Variants in DEPDC1B observed in about 807,000 individuals in gnomAD.
DEPDC1B encodes DEP domain-containing protein 1B.
Under a neutral mutation model 66.5 loss-of-function variants are expected in DEPDC1B, and 51 were observed. That is an observed-to-expected ratio of 0.77 (90% CI 0.61 to 0.97). The LOEUF (loss-of-function observed/expected upper bound fraction) is 0.97, where lower values mean the gene tolerates loss of function less well. Among genes scored for constraint, DEPDC1B ranks in the 50% least tolerant of loss-of-function variants. The pLI is 0.00. For synonymous variants in DEPDC1B, 226 were observed against 223.6 expected, an observed-to-expected ratio of 1.01 and a Z score of -0.10; for missense variants, 552 against 637.1, an observed-to-expected ratio of 0.87 and a Z score of 1.44.
At chr5:60,603,976 A>G (rs552250646) in intron 8 of DEPDC1B, among the ~76,000 whole-genome samples, 2 of 151,666 alleles carry the variant, frequency 1.3e-5, no homozygotes, top group African/African-American at 4.8e-5. Context: ...ATTTATCCTA[A>G]TTTCATTATT....
At chr5:60,634,165 C>T (rs1752987823) in intron 7 of DEPDC1B, among the ~76,000 whole-genome samples, 2 of 152,176 alleles carry the variant, frequency 1.3e-5, no homozygotes, top group Admixed American at 6.5e-5. Context: ...AGAATTTAAT[C>T]TGCCTAGACA....
intron 1 of DEPDC1B, among the ~76,000 whole-genome samples, chr5:60,697,382 T>C (rs989122955): frequency 7.9e-5 from 12 of 152,092 alleles, no homozygotes; most frequent in African/African-American, 2.7e-4. Flanking sequence ...TCCCAATAGA[T>C]TTTTACCAAG....
intron 7 of DEPDC1B, among the ~76,000 whole-genome samples, chr5:60,611,219 TGTAA>T (rs1752408644): frequency 6.6e-6 from 1 of 152,214 alleles, no homozygotes; most frequent in South Asian, 2.1e-4. Context: ...CTGTTACTAC[TGTAA>T]GTGTTTGGGG....
chr5:60,614,558 T>G (rs570525005), intron 7 of DEPDC1B, among the ~76,000 whole-genome samples: 1 of 152,140 alleles, frequency 6.6e-6, no homozygotes, highest in African/African-American at 2.4e-5. Flanking sequence ...TCTCTTCTCT[T>G]TTTTTTAATT....
chr5:60,615,086 C>A (rs1242896047), intron 7 of DEPDC1B, among the ~76,000 whole-genome samples: 1 of 152,210 alleles, frequency 6.6e-6, no homozygotes, highest in Non-Finnish European at 1.5e-5. Flanking sequence ...CATGCACATA[C>A]ATGACTTTTT....
chr5:60,670,213 T>C (rs187246998), intron 2 of DEPDC1B, among the ~76,000 whole-genome samples: 25 of 152,122 alleles, frequency 1.6e-4, no homozygotes, highest in African/African-American at 6.0e-4. Flanking sequence ...TAAAACCCCG[T>C]CTCTACTAAA....
At chr5:60,643,721 C>A (rs1753243330) in intron 5 of DEPDC1B, among the ~76,000 whole-genome samples, 1 of 152,222 alleles carries the variant, frequency 6.6e-6, no homozygotes, top group African/African-American at 2.4e-5. Flanking sequence ...AAAGGCTGCA[C>A]TCTTCCCTTC....
At chr5:60,658,603 C>T (rs1244138071) in intron 2 of DEPDC1B, among the ~76,000 whole-genome samples, 2 of 152,002 alleles carry the variant, frequency 1.3e-5, no homozygotes, top group African/African-American at 4.8e-5. Flanking sequence ...TCAGCTCACA[C>T]CCAACTAATC....
chr5:60,607,939 G>A (rs1192085246), intron 7 of DEPDC1B, among the ~76,000 whole-genome samples: 1 of 152,142 alleles, frequency 6.6e-6, no homozygotes. Context: ...AGCCAAGGGG[G>A]CAGATCATGC....
At chr5:60,622,322 C>T (rs1185058573) in intron 7 of DEPDC1B, among the ~76,000 whole-genome samples, 1 of 151,882 alleles carries the variant, frequency 6.6e-6, no homozygotes, top group Non-Finnish European at 1.5e-5. Context: ...TAAATGGAAC[C>T]AGAATGGCTT....
intron 8 of DEPDC1B, among the ~76,000 whole-genome samples, chr5:60,604,196 C>T (rs941682361): frequency 3.7e-5 from 5 of 135,648 alleles, no homozygotes; most frequent in African/African-American, 1.3e-4. Flanking sequence ...TAATAATTTC[C>T]ATAGAATTGA....
chr5:60,653,489 T>C (rs531065221), intron 2 of DEPDC1B, among the ~76,000 whole-genome samples: 10 of 152,334 alleles, frequency 6.6e-5, no homozygotes, highest in South Asian at 2.1e-4. Context: ...TCCTCGTACA[T>C]TGTGGATATT....
At chr5:60,677,326 A>ACTCTCTCT (rs70975391) in intron 2 of DEPDC1B, among the ~76,000 whole-genome samples, 6,908 of 108,138 alleles carry the variant, frequency 0.064, 503 homozygotes, top group African/African-American at 0.16. Flanking sequence ...ACACACACAC[A>ACTCTCTCT]CTCTCTCTCT....
At chr5:60,647,315 G>T in intron 3 of DEPDC1B, 83 bp downstream of exon 3, 1 of 1,478,794 alleles carries the variant, frequency 6.8e-7, no homozygotes, top group South Asian at 1.5e-5. Flanking sequence ...TGTTCATAAA[G>T]GACCACAGAA....
chr5:60,644,784 C>T lies in DEPDC1B; in HGVS notation c.670G>A (p.Val224Ile). 1 of 1,607,384 alleles carries T rather than the reference C, an allele frequency of 6.2e-7. No individual in the cohort carries two copies. The highest frequency in any genetic ancestry group is 8.5e-7 in the Non-Finnish European group (1 of 1,177,206). Residue 224 changes from valine to isoleucine, a missense_variant, in exon 5 of 11, where the codon GTT becomes ATT. Val to Ile is a conservative substitution (Grantham distance 29). Coordinates refer to ENST00000265036, the MANE Select transcript of DEPDC1B (RefSeq NM_018369.3). Reference protein sequence around the residue: ...SKFIIHNVYSVSKQGVVILDD... With the variant: ...SKFIIHNVYSISKQGVVILDD... ...AGAATAACAACTCCCTGCTTGCTAA[C>T]ACTATATACATTATGGATGATGAAC... is the stretch of plus-strand genomic sequence containing the variant.
chr5:60,680,772 T>A (rs567189475), intron 2 of DEPDC1B, among the ~76,000 whole-genome samples: 1 of 152,366 alleles, frequency 6.6e-6, no homozygotes, highest in South Asian at 2.1e-4. Context: ...GCAAGAACTT[T>A]GTGAATATAA....
At chr5:60,646,802 C>G (rs1753328101) in intron 3 of DEPDC1B, among the ~76,000 whole-genome samples, 1 of 152,124 alleles carries the variant, frequency 6.6e-6, no homozygotes, top group African/African-American at 2.4e-5. Flanking sequence ...TACCTCCTGT[C>G]AGATCGGCCG....
At chr5:60,616,935 T>C (rs1752570739) in intron 7 of DEPDC1B, among the ~76,000 whole-genome samples, 1 of 152,100 alleles carries the variant, frequency 6.6e-6, no homozygotes, top group Non-Finnish European at 1.5e-5. Context: ...TAACAGCTGA[T>C]CTCTCGGCAG....
intron 2 of DEPDC1B, among the ~76,000 whole-genome samples, chr5:60,659,295 C>T (rs1753652217): frequency 6.6e-6 from 1 of 152,140 alleles, no homozygotes; most frequent in African/African-American, 2.4e-5. Flanking sequence ...TCTGGTGGCC[C>T]ATATGGGGAT....
Sources: allele counts gnomAD v4.1 joint callset (sites outside exome capture counted in the v4.1 genomes callset), GRCh38; gene constraint gnomAD v4.1.1; transcripts MANE v1.5; gene names NCBI Gene and HGNC (gene_info 2026-07-23, HGNC 2026-07-21).